Variants in KCND3 observed in about 807,000 individuals in gnomAD.
KCND3 encodes potassium voltage-gated channel subfamily D member 3.
A neutral mutation model predicts 51.1 loss-of-function variants in KCND3; 9 were observed. That is an observed-to-expected ratio of 0.18 (90% CI 0.11 to 0.31). The LOEUF is 0.31. Ranked by LOEUF, KCND3 falls within the 10% of genes least tolerant of loss-of-function variation. The pLI is 1.00. For missense variants in KCND3, 526 were observed against 903.8 expected (o/e 0.58, Z 5.36); for synonymous variants, 349 against 368.0 (o/e 0.95, Z 0.59).
chr1:111,986,080 TTAG>T (rs1183234729), intron 1 of KCND3, among the ~76,000 whole-genome samples: 8 of 152,324 alleles, frequency 5.3e-5, no homozygotes, highest in African/African-American at 1.7e-4. Flanking sequence ...ATTAGGAGAC[TTAG>T]TAGTTCCTCA....
chr1:111,937,417 A>G (rs771443519), intron 2 of KCND3, among the ~76,000 whole-genome samples: 1 of 152,116 alleles, frequency 6.6e-6, no homozygotes, highest in Non-Finnish European at 1.5e-5. Flanking sequence ...CCATGCCCCG[A>G]GTCATCAGAC....
At chr1:111,979,407 ATC>A (rs1201692232) in intron 2 of KCND3, among the ~76,000 whole-genome samples, 1 of 152,188 alleles carries the variant, frequency 6.6e-6, no homozygotes, top group Admixed American at 6.5e-5. Context: ...TATTTTTAAA[ATC>A]TCTGTGTGTC....
chr1:111,875,683 T>C (rs998216726), intron 2 of KCND3, among the ~76,000 whole-genome samples: 1 of 152,234 alleles, frequency 6.6e-6, no homozygotes, highest in Non-Finnish European at 1.5e-5. Flanking sequence ...TTGCCTCTCT[T>C]AGCTTCTCCT....
chr1:111,810,806 CAG>C (rs979156926), intron 2 of KCND3, among the ~76,000 whole-genome samples: 2 of 152,088 alleles, frequency 1.3e-5, no homozygotes, highest in Non-Finnish European at 2.9e-5. Flanking sequence ...ATTTTTTTTC[CAG>C]AGTCTGTCTG....
chr1:111,972,466 C>T (rs1490104934), intron 2 of KCND3, among the ~76,000 whole-genome samples: 2 of 152,192 alleles, frequency 1.3e-5, no homozygotes, highest in Non-Finnish European at 2.9e-5. Context: ...GCCCCCGCGC[C>T]CGGCCCCTAT....
intron 2 of KCND3, among the ~76,000 whole-genome samples, chr1:111,849,177 C>T (rs1478134594): frequency 6.6e-6 from 1 of 152,202 alleles, no homozygotes; most frequent in Non-Finnish European, 1.5e-5. Context: ...ACTGTCTAGA[C>T]ACAGCAAACT....
chr1:111,883,978 G>A (rs987811475), intron 2 of KCND3, among the ~76,000 whole-genome samples: 4 of 152,218 alleles, frequency 2.6e-5, no homozygotes, highest in Non-Finnish European at 4.4e-5. Flanking sequence ...CACCATCTCC[G>A]TGGGATTCCG....
intron 2 of KCND3, among the ~76,000 whole-genome samples, chr1:111,915,548 C>T (rs1041143773): frequency 2.6e-5 from 4 of 151,830 alleles, no homozygotes; most frequent in Admixed American, 2.0e-4. Flanking sequence ...GTCAGGAGAT[C>T]GAGCCCATCC....
intron 2 of KCND3, among the ~76,000 whole-genome samples, chr1:111,977,781 A>G (rs536065425): frequency 4.5e-4 from 69 of 152,356 alleles, no homozygotes; most frequent in Non-Finnish European, 6.2e-4. Flanking sequence ...AGTCAAATGA[A>G]GTTAAGAAGG....
intron 2 of KCND3, among the ~76,000 whole-genome samples, chr1:111,884,160 G>A (rs1263476848): frequency 2.6e-5 from 4 of 152,124 alleles, no homozygotes; most frequent in East Asian, 1.9e-4. Flanking sequence ...AGGACTGGTC[G>A]GCCACTATAG....
intron 2 of KCND3, among the ~76,000 whole-genome samples, chr1:111,797,684 A>G (rs509705): frequency 0.36 from 54,839 of 151,762 alleles, 12,259 homozygotes; most frequent in African/African-American, 0.64. Flanking sequence ...TTGGAGGCAG[A>G]AGCACTGGCT....
intron 2 of KCND3, among the ~76,000 whole-genome samples, chr1:111,885,976 T>C (rs1057498129): frequency 2.0e-5 from 3 of 152,150 alleles, no homozygotes; most frequent in African/African-American, 7.2e-5. Flanking sequence ...CAGCTGCATG[T>C]TTCGATCGCT....
chr1:111,976,638 T>C (rs187011537), intron 2 of KCND3, among the ~76,000 whole-genome samples: 64 of 152,256 alleles, frequency 4.2e-4, no homozygotes, highest in Admixed American at 1.7e-3. Context: ...GTTAACAAAA[T>C]GTGTCAATGA....
intron 2 of KCND3, among the ~76,000 whole-genome samples, chr1:111,853,311 C>T (rs557068633): frequency 2.1e-4 from 32 of 152,146 alleles, no homozygotes; most frequent in Non-Finnish European, 3.2e-4. Context: ...CTTTCAGGGT[C>T]GTTCTGGTGT....
At chr1:111,793,638 A>G (rs182249266) in intron 2 of KCND3, among the ~76,000 whole-genome samples, 2 of 152,338 alleles carry the variant, frequency 1.3e-5, no homozygotes, top group African/African-American at 4.8e-5. Flanking sequence ...AATGGCAGCT[A>G]ATTATGAGTG....
At chr1:111,874,732 C>A (rs1668974157) in intron 2 of KCND3, among the ~76,000 whole-genome samples, 1 of 152,216 alleles carries the variant, frequency 6.6e-6, no homozygotes, top group African/African-American at 2.4e-5. Flanking sequence ...AACCCCCTAT[C>A]CCCCAACAAT....
Position 111,773,881 on chromosome 1 carries a change from T to C in KCND3, c.*2196A>G, listed in dbSNP as rs1664011248. On this transcript the variant is annotated 3_prime_UTR_variant, in exon 8 of 8. Transcript: ENST00000302127. ...AGTGAAGTTTAGCTTGGTCTTCTAA[T>C]GAGATGTGTATATGAAGTGAATTGA... The C allele has an allele frequency of 6.6e-6, 1 of 152,184 alleles. No homozygotes were observed. The highest frequency in any genetic ancestry group is 1.5e-5 in the Non-Finnish European group (1 of 68,028). 9.4% of individuals were successfully genotyped at this position (152,184 alleles called of 1,614,324 possible). A position where few individuals can be genotyped will look rare whatever the true frequency, so the allele number is the denominator to read the frequency against.
intron 2 of KCND3, among the ~76,000 whole-genome samples, chr1:111,857,073 C>T (rs1029140748): frequency 6.6e-6 from 1 of 152,230 alleles, no homozygotes; most frequent in Non-Finnish European, 1.5e-5. Flanking sequence ...TGCCTCCACC[C>T]AGTTCCTGGA....
intron 2 of KCND3, among the ~76,000 whole-genome samples, chr1:111,921,536 G>GGGGA (rs1186509087): frequency 6.6e-6 from 1 of 152,230 alleles, no homozygotes; most frequent in African/African-American, 2.4e-5. Context: ...TGAAAGGGCA[G>GGGGA]GGGAGGGAGT....
Sources: gnomAD v4.1 joint callset for allele counts (sites outside exome capture counted in the v4.1 genomes callset) on GRCh38, gnomAD v4.1.1 for gene constraint, MANE v1.5 for transcripts, NCBI Gene and HGNC (gene_info 2026-07-23, HGNC 2026-07-21) for gene names.